NPC1L1: variants seen among roughly 807,000 people sequenced by gnomAD.
NPC1L1 encodes NPC1-like intracellular cholesterol transporter 1.
In NPC1L1, 98 loss-of-function variants were observed where a neutral mutation model predicts 117.0. The observed-to-expected ratio is 0.84, with a 90% CI of 0.71 to 0.99. The LOEUF (loss-of-function observed/expected upper bound fraction) is 0.99. Ranked by LOEUF, NPC1L1 falls within the 50% of genes least tolerant of loss-of-function variation. The pLI is 0.00. For missense variants in NPC1L1, 1,540 were observed against 1,710.0 expected (o/e 0.90, Z 1.75); for synonymous variants, 729 against 727.6 (o/e 1.00, Z -0.03).
intron 10 of NPC1L1, among the ~76,000 whole-genome samples, chr7:44,529,070 CAAA>C (rs60170693): frequency 8.7e-6 from 1 of 114,452 alleles, no homozygotes; most frequent in African/African-American, 3.2e-5. Context: ...GGCTCCATCT[CAAA>C]AAAAAAAAAG....
Position 44,538,760 on chromosome 7 carries a change from T to C in NPC1L1, c.1580+57A>G. On this transcript the variant is annotated intron_variant, in intron 2 of 18. Transcript: ENST00000381160. The surrounding 1 kb of genome is among the most constrained non-coding windows in gnomAD (Gnocchi z 5.9). Reference sequence around the variant, plus strand: ...GCCCGGCCAGGTTCCCAGGAGGCCATGGCAGCCCAGCCCCAGCCCCAGCCC... The same window carrying C: ...GCCCGGCCAGGTTCCCAGGAGGCCACGGCAGCCCAGCCCCAGCCCCAGCCC... 8 of 1,575,312 alleles carry C rather than the reference T, an allele frequency of 5.1e-6. No individual in the cohort carries two copies. The highest frequency in any genetic ancestry group is 7.0e-6 in the Non-Finnish European group (8 of 1,147,240).
At chr7:44,519,978 A>T (rs1162710352) in intron 14 of NPC1L1, among the ~76,000 whole-genome samples, 4 of 151,634 alleles carry the variant, frequency 2.6e-5, no homozygotes, top group African/African-American at 9.7e-5. Flanking sequence ...GCAATTTTTT[A>T]AATTTTACTT....
intron 14 of NPC1L1, chr7:44,518,786 A>G (rs1488566835): frequency 7.7e-6 from 8 of 1,035,604 alleles, no homozygotes; most frequent in Non-Finnish European, 7.1e-6. Context: ...TTGGATACAT[A>G]CAATCTCAGA....
chr7:44,536,131 C>T lies in NPC1L1; in HGVS notation c.1854+125G>A, dbSNP rs1439621593. On this transcript the variant is annotated intron_variant, in intron 4 of 18. Transcript: ENST00000381160. This position sits in a 1 kb window ranked among gnomAD's most constrained non-coding sequence, Gnocchi z 4.7. ...ATAAGAACAGCCATCACAATCACCCCGTTCTGAGCAGGCAGCCACTGCCCA... is the reference window on the plus strand; with the variant it reads ...ATAAGAACAGCCATCACAATCACCCTGTTCTGAGCAGGCAGCCACTGCCCA... 11 of 1,540,120 alleles carry T rather than the reference C, an allele frequency of 7.1e-6. No homozygotes were observed. Among genetic ancestry groups the T allele is most frequent in the South Asian group, 2.2e-5 (2 of 88,942 alleles).
At chr7:44,537,728 G>A (rs2117076850) in intron 2 of NPC1L1, among the ~76,000 whole-genome samples, 1 of 152,306 alleles carries the variant, frequency 6.6e-6, no homozygotes. Context: ...CCACCCGAGA[G>A]TTGTTGTGAG....
intron 15 of NPC1L1, 30 bp from the exon 16 acceptor site, chr7:44,516,964 T>G (rs1801210147): frequency 1.3e-6 from 2 of 1,598,848 alleles, no homozygotes; most frequent in Non-Finnish European, 8.5e-7. Flanking sequence ...GGTCACAGGC[T>G]CAGGCCTCTG....
At chr7:44,521,691 T>A (rs1389146640) in intron 12 of NPC1L1, 21 bp downstream of exon 12, 1 of 1,613,658 alleles carries the variant, frequency 6.2e-7, no homozygotes, top group African/African-American at 1.3e-5. Context: ...GGACAGTGAG[T>A]CCCCATGGCC....
intron 10 of NPC1L1, among the ~76,000 whole-genome samples, 169 bp downstream of exon 10, chr7:44,531,586 G>A (rs756063018): frequency 2.0e-5 from 3 of 152,166 alleles, no homozygotes; most frequent in African/African-American, 2.4e-5. Flanking sequence ...GTTCATACAC[G>A]AATGTGGCTT....
chr7:44,521,408 A>G (rs1461690898), intron 12 of NPC1L1, among the ~76,000 whole-genome samples: 1 of 152,180 alleles, frequency 6.6e-6, no homozygotes, highest in Non-Finnish European at 1.5e-5. Context: ...GCCATGTGCT[A>G]ACCTCAGCAG....
At position 44,522,085 on chromosome 7, in the gene NPC1L1, T is replaced by A; in HGVS notation, c.2795A>T (p.Gln932Leu). 1 of 1,613,784 alleles carries A rather than the reference T, an allele frequency of 6.2e-7. No homozygotes were observed. The highest frequency in any genetic ancestry group is 8.5e-7 in the Non-Finnish European group (1 of 1,179,926). Residue 932 changes from glutamine to leucine, a missense_variant, in exon 11 of 19, where the codon CAG becomes CTG. Coordinates refer to ENST00000381160, the MANE Select transcript of NPC1L1 (RefSeq NM_001101648.2). ...GAACTCTGTGGCATACTGGATCTTCTGGGTGAAGGAGAAGTTGTTGCAGCC... is the reference window on the plus strand; with the variant it reads ...GAACTCTGTGGCATACTGGATCTTCAGGGTGAAGGAGAAGTTGTTGCAGCC... ...SAGCNNFSFTQKIQYATEFPE... is the reference protein window; with the variant it reads ...SAGCNNFSFTLKIQYATEFPE...
Position 44,513,617 on chromosome 7 carries a change from G to T in NPC1L1, c.3829C>A (p.Gln1277Lys), listed in dbSNP as rs1185042145. The T allele has an allele frequency of 9.3e-6, 15 of 1,613,464 alleles. No homozygotes were observed. Among genetic ancestry groups the T allele is most frequent in the Admixed American group, 1.7e-5 (1 of 60,002 alleles). ...PDVNPALALE[Q>K]KRAEEAVAAV... ...GCCACCGCCTCCTCAGCCCGCTTCTGCTCCAGTGCCAGAGCCGGGTTAACG... is the reference window on the plus strand; with the variant it reads ...GCCACCGCCTCCTCAGCCCGCTTCTTCTCCAGTGCCAGAGCCGGGTTAACG... Residue 1277 changes from glutamine to lysine, a missense_variant, in exon 19 of 19, where the codon CAG (glutamine) becomes AAG (lysine). Physicochemically the swap from Gln to Lys is moderately conservative, Grantham distance 53. Coordinates refer to ENST00000381160, the MANE Select transcript of NPC1L1 (RefSeq NM_001101648.2).
Position 44,531,440 on chromosome 7 carries a change from G to A in NPC1L1, c.2637+315C>T, listed in dbSNP as rs998128744. Among the ~76,000 whole-genome samples the A allele has an allele frequency of 5.3e-5, 8 of 152,336 alleles. No homozygotes were observed. In the East Asian group the frequency reaches 1.2e-3, roughly 22 times the overall value. On this transcript the variant is annotated intron_variant, in intron 10 of 18. Coordinates refer to ENST00000381160, the MANE Select transcript of NPC1L1 (RefSeq NM_001101648.2). The stretch of plus-strand genomic sequence containing the variant: ...CCCGGGCTTCAGGCCCAGAGAATTC[G>A]CAGGGCTGGACACTGGGCAGGCACT...
At chr7:44,523,370 T>A (rs1025858029) in intron 10 of NPC1L1, among the ~76,000 whole-genome samples, 9 of 152,188 alleles carry the variant, frequency 5.9e-5, no homozygotes, top group Admixed American at 2.0e-4. Flanking sequence ...GTAACGATTT[T>A]GGAACTCTGG....
rs779651840 is a variant in NPC1L1 at position 44,536,616 on chromosome 7, G to A, written c.1682-188C>T. 1.6e-4 allele frequency among the ~76,000 whole-genome samples: 25 copies of A among 151,736 alleles called. No homozygotes were observed. The highest frequency in any genetic ancestry group is 4.6e-4 in the African/African-American group (19 of 41,222). ...CACCCCACTTCTCTCAGCCAAAGGC[G>A]AGACCTTTGGGCCCAGGCAGAAAAA... On this transcript the variant is annotated intron_variant, in intron 3 of 18. Transcript: ENST00000381160. The surrounding 1 kb of genome is among the most constrained non-coding windows in gnomAD (Gnocchi z 4.7).
chr7:44,535,188 A>C (rs1801835339), intron 5 of NPC1L1, among the ~76,000 whole-genome samples: 1 of 152,144 alleles, frequency 6.6e-6, no homozygotes, highest in Non-Finnish European at 1.5e-5. Context: ...CAACATGGAG[A>C]AACCCCATCT....
chr7:44,535,275 C>G (rs217403), intron 5 of NPC1L1, among the ~76,000 whole-genome samples: 31,434 of 151,168 alleles, frequency 0.21, 3,712 homozygotes, highest in African/African-American at 0.3. Context: ...TGAGGCAGGA[C>G]AATTGTTGAA....
chr7:44,522,189 C>A lies in NPC1L1; in HGVS notation c.2691G>T (p.Gly897=). The change falls in exon 11 of 19, where the codon GGG becomes GGT. Residue 897 remains glycine (G), a synonymous_variant. Transcript: ENST00000381160. ...FLFLNRYFEV[G]APVYFVTTLG... is the part of the protein sequence containing the mutation. Reference sequence around the variant, plus strand: ...AGGTGGTAACAAAGTACACCGGGGCCCCCACCTCGAAGTAGCGGTTCAGAA... The same window carrying A: ...AGGTGGTAACAAAGTACACCGGGGCACCCACCTCGAAGTAGCGGTTCAGAA... The A allele has an allele frequency of 1.2e-6, 2 of 1,613,894 alleles. No individual in the cohort carries two copies. The highest frequency in any genetic ancestry group is 1.7e-6 in the Non-Finnish European group (2 of 1,179,912).
At position 44,531,768 on chromosome 7, in the gene NPC1L1, A is replaced by C; in HGVS notation, c.2624T>G (p.Leu875Arg). The part of the protein sequence containing the change: ...CHISVGLDQE[L>R]ALPKDSYLLD... ...GCCTGGGCTCACCTTGGGCAGGGCCAGCTCCTGGTCCAGTCCCACGCTGAT... is the reference window on the plus strand; with the variant it reads ...GCCTGGGCTCACCTTGGGCAGGGCCCGCTCCTGGTCCAGTCCCACGCTGAT... Residue 875 changes from leucine to arginine, a missense_variant, in exon 10 of 19, where the codon CTG becomes CGG. Physicochemically the swap from Leu to Arg is moderately radical, Grantham distance 102 (BLOSUM62 -2). Transcript: ENST00000381160. 1 of 1,578,580 alleles carries C rather than the reference A, an allele frequency of 6.3e-7. No homozygotes were observed. The highest frequency in any genetic ancestry group is 1.2e-5 in the South Asian group (1 of 85,772).
chr7:44,513,238 A>T lies in NPC1L1; in HGVS notation c.*209T>A. The T allele has an allele frequency of 1.7e-6, 1 of 600,916 alleles. No individual in the cohort carries two copies. Among genetic ancestry groups the T allele is most frequent in the South Asian group, 1.9e-5 (1 of 52,402 alleles). The allele number at this position is 600,916 out of a possible 1,614,324, so 37.2% of individuals were successfully genotyped here. ...ACTGCCCAAGGCCTAGGTGACTTGG[A>T]AACTGGGGACCCACTATGGGAGCAG... On this transcript the variant is annotated 3_prime_UTR_variant, in exon 19 of 19. Transcript: ENST00000381160.
Sources: gnomAD v4.1 joint callset for allele counts (sites outside exome capture counted in the v4.1 genomes callset) on GRCh38, gnomAD v4.1.1 for gene constraint, Gnocchi (gnomAD v3.1) non-coding constraint, MANE v1.5 for transcripts, NCBI Gene and HGNC (gene_info 2026-07-23, HGNC 2026-07-21) for gene names.